The following CSNK2A1 variants were observed in gnomAD, a reference collection of about 807,000 sequenced individuals.
CSNK2A1 encodes the protein casein kinase 2 alpha 1.
CSNK2A1 carries 10 observed loss-of-function variants against 62.9 expected under a neutral mutation model. The observed-to-expected ratio is 0.16, with a 90% CI of 0.10 to 0.27. The LOEUF (loss-of-function observed/expected upper bound fraction) is 0.27. Ranked by LOEUF, CSNK2A1 falls within the 10% of genes least tolerant of loss-of-function variation. The pLI is 1.00. For synonymous variants in CSNK2A1, 124 were observed against 167.8 expected (o/e 0.74, Z 2.02); for missense variants, 160 against 492.0 (o/e 0.33, Z 6.38).
intron 2 of CSNK2A1, among the ~76,000 whole-genome samples, chr20:518,478 G>A (rs2018872124): frequency 6.6e-6 from 1 of 152,194 alleles, no homozygotes; most frequent in Admixed American, 6.5e-5. Context: ...ATATAAGCAA[G>A]CTCTCCATGG....
intron 2 of CSNK2A1, chr20:527,045 A>AGAGAGAGAGAGAGAGAG (rs1555768682): frequency 3.6e-5 from 2 of 55,914 alleles, no homozygotes; most frequent in Non-Finnish European, 4.3e-5. Context: ...GAGAGAGAGA[A>AGAGAGAGAGAGAGAGAG]TGAATATTAG....
intron 2 of CSNK2A1, among the ~76,000 whole-genome samples, chr20:519,882 A>C (rs756061326): frequency 1.3e-5 from 2 of 152,228 alleles, no homozygotes; most frequent in Non-Finnish European, 2.9e-5. Context: ...CATAGAATAC[A>C]TAACAATAAA....
chr20:524,173 CA>C (rs1332927369), intron 2 of CSNK2A1, among the ~76,000 whole-genome samples: 5 of 151,618 alleles, frequency 3.3e-5, no homozygotes, highest in African/African-American at 1.2e-4. Context: ...CCTGTAATCC[CA>C]GCACTTTGGG....
intron 1 of CSNK2A1, among the ~76,000 whole-genome samples, chr20:538,467 A>T (rs1361828916): frequency 6.6e-6 from 1 of 152,242 alleles, no homozygotes; most frequent in Non-Finnish European, 1.5e-5. Flanking sequence ...TATTCAGGTA[A>T]TAACTCAAAA....
chr20:488,009 T>C, intron 11 of CSNK2A1: 1 of 184,148 alleles, frequency 5.4e-6, no homozygotes, highest in South Asian at 1.3e-4. Flanking sequence ...ATCTAGTCAC[T>C]ACTGTTAAGA....
At position 505,103 on chromosome 20, in the gene CSNK2A1, A is replaced by C. The variant is rs371927255; in HGVS notation, c.213+15T>G. 6.3e-7 allele frequency: 1 copy of C among 1,588,780 alleles called. No individual in the cohort carries two copies. The highest frequency in any genetic ancestry group is 8.6e-7 in the Non-Finnish European group (1 of 1,167,106). ...CTATATTCCAAATACCTCTGAAATT[A>C]TCTCTTGTACTCACCTTGAGAATTT... On this transcript the variant is annotated intron_variant, in intron 4 of 13. Transcript: ENST00000217244.
chr20:485,424 C>A (rs1475712026), intron 13 of CSNK2A1, among the ~76,000 whole-genome samples: 1 of 152,014 alleles, frequency 6.6e-6, no homozygotes, highest in Non-Finnish European at 1.5e-5. Flanking sequence ...CTCAAGTGAC[C>A]CACCCGCCTC....
At chr20:513,649 T>C (rs1026413454) in intron 2 of CSNK2A1, among the ~76,000 whole-genome samples, 2 of 152,184 alleles carry the variant, frequency 1.3e-5, no homozygotes, top group Non-Finnish European at 2.9e-5. Flanking sequence ...GTCATGTACA[T>C]TCTCATCACC....
At chr20:516,144 T>C (rs540375489) in intron 2 of CSNK2A1, among the ~76,000 whole-genome samples, 1 of 152,356 alleles carries the variant, frequency 6.6e-6, no homozygotes, top group African/African-American at 2.4e-5. Flanking sequence ...CTAGTATATC[T>C]TAAGGCAATC....
chr20:533,815 G>C (rs6052693), intron 1 of CSNK2A1, among the ~76,000 whole-genome samples: 6,850 of 152,234 alleles, frequency 0.045, 468 homozygotes, highest in African/African-American at 0.15. Flanking sequence ...CCAATGAAGG[G>C]AGGTATTAGA....
Position 514,847 on chromosome 20 carries a change from T to G in CSNK2A1, c.-109-6187A>C, listed in dbSNP as rs766339372. Among the ~76,000 whole-genome samples the G allele has an allele frequency of 3.0e-4, 45 of 152,192 alleles. 1 individual carries two copies. Among genetic ancestry groups the G allele is most frequent in the Non-Finnish European group, 1.2e-4 (8 of 68,028 alleles). ...AGGAAGAAAACACACAGCCTACATT[T>G]CTCAATTTTTGGTTTGATTCTTCCC... On this transcript the variant is annotated intron_variant, in intron 2 of 13. Transcript: ENST00000217244.
intron 3 of CSNK2A1, chr20:505,797 G>C (rs145138430): frequency 0.013 from 1,969 of 151,650 alleles, 28 homozygotes; most frequent in Non-Finnish European, 0.019. Flanking sequence ...ACATGACATG[G>C]AGCTGGCTTG....
chr20:486,993 T>C (rs187587141), intron 12 of CSNK2A1: 39 of 192,068 alleles, frequency 2.0e-4, no homozygotes, highest in African/African-American at 7.9e-4. Flanking sequence ...ACAGTGCAGA[T>C]GGGGTGGGTC....
At chr20:505,493 G>A (rs2018559365) in intron 3 of CSNK2A1, among the ~76,000 whole-genome samples, 1 of 150,460 alleles carries the variant, frequency 6.6e-6, no homozygotes, top group Non-Finnish European at 1.5e-5. Context: ...CCGAGCAGCT[G>A]GGACCACAGG....
intron 2 of CSNK2A1, among the ~76,000 whole-genome samples, chr20:526,225 A>G (rs754074454): frequency 6.6e-6 from 1 of 152,144 alleles, no homozygotes; most frequent in Non-Finnish European, 1.5e-5. Context: ...TAATCCCAAC[A>G]CTTTGAAAGG....
intron 13 of CSNK2A1, among the ~76,000 whole-genome samples, chr20:485,121 T>TATATTTATATATATATAAAAAAAAA (rs1568496814): frequency 1.2e-5 from 1 of 83,962 alleles, no homozygotes; most frequent in African/African-American, 4.8e-5. Flanking sequence ...TATATATATA[T>TATATTTATATATATATAAAAAAAAA]ATATATATAT....
intron 1 of CSNK2A1, among the ~76,000 whole-genome samples, chr20:536,680 G>C (rs2122654963): frequency 6.6e-6 from 1 of 152,230 alleles, no homozygotes; most frequent in Middle Eastern, 3.4e-3. Context: ...TTCTGCAGCT[G>C]TTTCAAAAAC....
intron 12 of CSNK2A1, chr20:487,142 C>T (rs2018117551): frequency 2.3e-6 from 1 of 436,230 alleles, no homozygotes; most frequent in African/African-American, 2.0e-5. Flanking sequence ...AGATACAGGG[C>T]TGTGTATTCT....
intron 2 of CSNK2A1, among the ~76,000 whole-genome samples, chr20:525,417 C>T (rs978747293): frequency 3.3e-5 from 5 of 151,986 alleles, no homozygotes; most frequent in Non-Finnish European, 5.9e-5. Context: ...CTGTGGGAGG[C>T]TGAGGCGGGC....
Sources: gnomAD v4.1 joint callset for allele counts (sites outside exome capture counted in the v4.1 genomes callset) on GRCh38, gnomAD v4.1.1 for gene constraint, MANE v1.5 for transcripts, NCBI Gene and HGNC (gene_info 2026-07-23, HGNC 2026-07-21) for gene names.